The following KCNT1 variants were observed in gnomAD, a reference collection of about 807,000 sequenced individuals.
KCNT1 encodes the protein potassium sodium-activated channel subfamily T member 1.
A neutral mutation model predicts 147.8 loss-of-function variants in KCNT1; 78 were observed. The ratio of observed to expected loss-of-function variants is 0.53; its 90% confidence interval spans 0.44 to 0.64. The LOEUF is 0.64. Ranked by LOEUF, KCNT1 falls within the 30% of genes least tolerant of loss-of-function variation. KCNT1 has a pLI of 0.00. For missense variants in KCNT1, 1,419 were observed against 1,750.3 expected (o/e 0.81, Z 3.38); for synonymous variants, 867 against 748.8 (o/e 1.16, Z -2.58).
At chr9:135,755,220 A>T in intron 6 of KCNT1, 51 bp downstream of exon 6, 1 of 1,528,496 alleles carries the variant, frequency 6.5e-7, no homozygotes, top group Non-Finnish European at 8.9e-7. Context: ...CTCAGTAAGC[A>T]CTGAGGACCA....
chr9:135,743,214 C>T (rs1417453912), intron 2 of KCNT1, among the ~76,000 whole-genome samples: 2 of 152,082 alleles, frequency 1.3e-5, no homozygotes, highest in Non-Finnish European at 2.9e-5. Context: ...GATGCGCTCT[C>T]GGAGGCTGTG....
chr9:135,725,474 C>T (rs969021194), intron 2 of KCNT1, among the ~76,000 whole-genome samples: 1 of 152,236 alleles, frequency 6.6e-6, no homozygotes, highest in Non-Finnish European at 1.5e-5. Flanking sequence ...ACCACGAGCC[C>T]AGGGCCACCA....
At chr9:135,743,369 C>T (rs1042368399) in intron 2 of KCNT1, among the ~76,000 whole-genome samples, 20 of 152,192 alleles carry the variant, frequency 1.3e-4, no homozygotes, top group Non-Finnish European at 2.2e-4. Context: ...CCACCTTCAG[C>T]GCGGTCTCCA....
intron 2 of KCNT1, among the ~76,000 whole-genome samples, chr9:135,741,618 G>T (rs1456807951): frequency 2.6e-5 from 4 of 152,178 alleles, no homozygotes; most frequent in Non-Finnish European, 4.4e-5. Flanking sequence ...CCTCCCAGGG[G>T]TGTGTCCAGC....
intron 4 of KCNT1, among the ~76,000 whole-genome samples, chr9:135,751,249 G>A (rs1051068874): frequency 6.6e-6 from 1 of 152,034 alleles, no homozygotes; most frequent in African/African-American, 2.4e-5. Flanking sequence ...GTAGGGAGAA[G>A]GGTCCCCATC....
intron 25 of KCNT1, among the ~76,000 whole-genome samples, 157 bp from the exon 26 acceptor site, chr9:135,784,378 G>A (rs1171027725): frequency 1.3e-5 from 2 of 152,074 alleles, no homozygotes; most frequent in African/African-American, 4.8e-5. Flanking sequence ...GTGGTGCTTG[G>A]GGACCTGGTG....
chr9:135,778,169 G>T (rs1833318875), intron 21 of KCNT1, among the ~76,000 whole-genome samples: 1 of 152,204 alleles, frequency 6.6e-6, no homozygotes, highest in Admixed American at 6.5e-5. Context: ...GGGACCCTAG[G>T]ACCCTGACAG....
At chr9:135,778,345 G>A in intron 21 of KCNT1, 79 bp from the exon 22 acceptor site, 1 of 1,338,502 alleles carries the variant, frequency 7.5e-7, no homozygotes, top group Non-Finnish European at 1.0e-6. Flanking sequence ...CTCTGTGCAT[G>A]GAGGGTAGGG....
At chr9:135,706,959 G>C (rs925439165) in intron 1 of KCNT1, among the ~76,000 whole-genome samples, 1 of 151,872 alleles carries the variant, frequency 6.6e-6, no homozygotes, top group Admixed American at 6.6e-5. Flanking sequence ...TTGGTGCTGA[G>C]GAAATGAAGC....
intron 2 of KCNT1, among the ~76,000 whole-genome samples, chr9:135,737,426 A>G (rs552075523): frequency 6.6e-6 from 1 of 152,214 alleles, no homozygotes; most frequent in South Asian, 2.1e-4. Context: ...TGCAGCAGCA[A>G]ATTCCTAGCC....
chr9:135,768,249 G>GGA (rs1554774150), intron 13 of KCNT1, among the ~76,000 whole-genome samples: 2 of 40,058 alleles, frequency 5.0e-5, no homozygotes, highest in African/African-American at 1.3e-4. Flanking sequence ...GCGGGGGGGG[G>GGA]GGGGGGGGCA....
chr9:135,761,279 C>A (rs1470673043), intron 11 of KCNT1, among the ~76,000 whole-genome samples: 1 of 152,218 alleles, frequency 6.6e-6, no homozygotes, highest in African/African-American at 2.4e-5. Context: ...TCGCCTCTCA[C>A]CTGGAGGGTT....
At position 135,784,753 on chromosome 9, in the gene KCNT1, C is replaced by A; in HGVS notation, c.3028-8C>A. On this transcript the variant is annotated splice_polypyrimidine_tract_variant and splice_region_variant and intron_variant, in intron 26 of 30. Transcript: ENST00000371757. Reference sequence around the variant, plus strand: ...TGCCCCAGCCAACTCAGGGTTCCCACCCTGCAGATGAAAATCACCGAGGGC... The same window carrying A: ...TGCCCCAGCCAACTCAGGGTTCCCAACCTGCAGATGAAAATCACCGAGGGC... 2.5e-6 allele frequency: 4 copies of A among 1,612,256 alleles called. No homozygotes were observed. Among genetic ancestry groups the A allele is most frequent in the Non-Finnish European group, 3.4e-6 (4 of 1,179,574 alleles).
chr9:135,792,208 A>G lies in KCNT1; in HGVS notation c.*47A>G. The G allele has an allele frequency of 6.3e-7, 1 of 1,582,354 alleles. No homozygotes were observed. The highest frequency in any genetic ancestry group is 8.6e-7 in the Non-Finnish European group (1 of 1,167,612). Reference sequence around the variant, plus strand: ...GGCCACCAAGCCCGGGGTCCTCAGGAAGGACGTGGAGGAGCGTGTGAGGAC... The same window carrying G: ...GGCCACCAAGCCCGGGGTCCTCAGGGAGGACGTGGAGGAGCGTGTGAGGAC... On this transcript the variant is annotated 3_prime_UTR_variant, in exon 31 of 31. Coordinates refer to ENST00000371757, the MANE Select transcript of KCNT1 (RefSeq NM_020822.3).
chr9:135,715,611 G>A (rs562383207), intron 2 of KCNT1, among the ~76,000 whole-genome samples: 1 of 95,148 alleles, frequency 1.1e-5, no homozygotes, highest in South Asian at 3.6e-4. Context: ...CCCCAACAAC[G>A]CAGTTATTCC....
At chr9:135,711,449 A>G (rs1835483838) in intron 1 of KCNT1, among the ~76,000 whole-genome samples, 1 of 152,200 alleles carries the variant, frequency 6.6e-6, no homozygotes, top group African/African-American at 2.4e-5. Flanking sequence ...TCTGGGAGCC[A>G]CTTGTCCTTG....
chr9:135,757,000 C>G (rs1831531873), intron 7 of KCNT1, 68 bp downstream of exon 7: 5 of 1,105,868 alleles, frequency 4.5e-6, no homozygotes, highest in African/African-American at 1.7e-5. Flanking sequence ...CAGCCTCCCC[C>G]ACCTCCCCCA....
chr9:135,714,733 C>T lies in KCNT1; in HGVS notation c.254+13C>T, dbSNP rs1254416689. Reference sequence around the variant, plus strand: ...AGAACGACGACAGGTAGGGACCGGGCGCGGGGTGGGGGCTGGGGTCGCCGT... The same window carrying T: ...AGAACGACGACAGGTAGGGACCGGGTGCGGGGTGGGGGCTGGGGTCGCCGT... On this transcript the variant is annotated intron_variant, in intron 2 of 30. Coordinates refer to ENST00000371757, the MANE Select transcript of KCNT1 (RefSeq NM_020822.3). The surrounding 1 kb of genome is among the most constrained non-coding windows in gnomAD (Gnocchi z 6.2). 1.5e-6 allele frequency: 2 copies of T among 1,358,506 alleles called. No homozygotes were observed. The highest frequency in any genetic ancestry group is 9.6e-7 in the Non-Finnish European group (1 of 1,043,068). 84.2% of individuals were successfully genotyped at this position (1,358,506 alleles called of 1,614,324 possible).
At chr9:135,778,121 G>A (rs1266190812) in intron 21 of KCNT1, among the ~76,000 whole-genome samples, 1 of 152,186 alleles carries the variant, frequency 6.6e-6, no homozygotes, top group South Asian at 2.1e-4. Flanking sequence ...GGGGTGGAGG[G>A]ATAAATGGCT....
Sources: allele counts gnomAD v4.1 joint callset (sites outside exome capture counted in the v4.1 genomes callset), GRCh38; gene constraint gnomAD v4.1.1; non-coding constraint Gnocchi (gnomAD v3.1); transcripts MANE v1.5; gene names NCBI Gene and HGNC (gene_info 2026-07-23, HGNC 2026-07-21).